MYRIP: variants seen among roughly 807,000 people sequenced by gnomAD.
MYRIP encodes the protein rab effector MyRIP.
A neutral mutation model predicts 98.0 loss-of-function variants in MYRIP; 49 were observed. The ratio of observed to expected loss-of-function variants is 0.50; its 90% confidence interval spans 0.40 to 0.63. The LOEUF is 0.63. MYRIP is among the 30% of genes least tolerant of loss of function. The pLI is 0.00. For synonymous variants in MYRIP, 404 were observed against 409.5 expected, an observed-to-expected ratio of 0.99 and a Z score of 0.16; for missense variants, 1,004 against 1,058.2, an observed-to-expected ratio of 0.95 and a Z score of 0.71.
At chr3:39,812,265 T>C (rs973173472) in intron 1 of MYRIP, among the ~76,000 whole-genome samples, 1 of 152,362 alleles carries the variant, frequency 6.6e-6, no homozygotes, top group East Asian at 1.9e-4. Context: ...TTATTTTTAT[T>C]ACTATTGTTA....
At chr3:40,086,125 A>G (rs1948621576) in intron 3 of MYRIP, among the ~76,000 whole-genome samples, 1 of 152,204 alleles carries the variant, frequency 6.6e-6, no homozygotes, top group African/African-American at 2.4e-5. Flanking sequence ...AAACAAAGGA[A>G]TGAGAACTAG....
chr3:39,924,267 T>C (rs138930483), intron 2 of MYRIP, among the ~76,000 whole-genome samples: 1 of 151,868 alleles, frequency 6.6e-6, no homozygotes, highest in Non-Finnish European at 1.5e-5. Flanking sequence ...TATAGATAGG[T>C]TGAAAGTAAA....
chr3:40,003,724 C>T (rs775739512), intron 2 of MYRIP, among the ~76,000 whole-genome samples: 3 of 152,188 alleles, frequency 2.0e-5, no homozygotes, highest in Non-Finnish European at 4.4e-5. Flanking sequence ...GCTTCACCAA[C>T]CAGTTCAGAT....
At chr3:40,097,738 C>G (rs1948859922) in intron 3 of MYRIP, among the ~76,000 whole-genome samples, 1 of 152,184 alleles carries the variant, frequency 6.6e-6, no homozygotes. Context: ...TCAGAGCCTC[C>G]TGTGTCTCTG....
intron 3 of MYRIP, among the ~76,000 whole-genome samples, chr3:40,090,483 G>A (rs1025953077): frequency 7.9e-5 from 12 of 152,090 alleles, no homozygotes; most frequent in African/African-American, 2.2e-4. Flanking sequence ...AAAAACCCTC[G>A]TTCCTTGTTG....
At chr3:40,083,051 C>T (rs1948514813) in intron 3 of MYRIP, among the ~76,000 whole-genome samples, 1 of 152,228 alleles carries the variant, frequency 6.6e-6, no homozygotes, top group South Asian at 2.1e-4. Flanking sequence ...CTCTTGCTAG[C>T]TCATGAGGGA....
At chr3:39,887,741 C>G (rs1458675763) in intron 1 of MYRIP, among the ~76,000 whole-genome samples, 1 of 152,068 alleles carries the variant, frequency 6.6e-6, no homozygotes, top group Non-Finnish European at 1.5e-5. Context: ...TCAAATTGTC[C>G]CTGTTTGCAG....
intron 4 of MYRIP, among the ~76,000 whole-genome samples, chr3:40,153,533 T>C (rs1220444116): frequency 3.3e-5 from 5 of 152,196 alleles, no homozygotes; most frequent in African/African-American, 1.2e-4. Flanking sequence ...CAAATCATTG[T>C]CCACCCCCCA....
At chr3:40,038,395 AAAGAT>A (rs1457851843) in intron 2 of MYRIP, among the ~76,000 whole-genome samples, 3 of 152,108 alleles carry the variant, frequency 2.0e-5, no homozygotes, top group Non-Finnish European at 4.4e-5. Flanking sequence ...AAGAAATAAT[AAAGAT>A]AAGACTGGAC....
chr3:39,907,731 C>A (rs1559518010), intron 2 of MYRIP, among the ~76,000 whole-genome samples: 1 of 152,020 alleles, frequency 6.6e-6, no homozygotes. Flanking sequence ...TTTATTATGC[C>A]CCAACCTTTG....
chr3:39,895,810 A>G (rs1304496426), intron 1 of MYRIP, among the ~76,000 whole-genome samples: 4 of 152,228 alleles, frequency 2.6e-5, no homozygotes, highest in African/African-American at 9.6e-5. Context: ...ATGATTTGCA[A>G]TACTAGGTTT....
chr3:40,162,339 A>G (rs1428762022), intron 4 of MYRIP, among the ~76,000 whole-genome samples: 1 of 152,210 alleles, frequency 6.6e-6, no homozygotes, highest in African/African-American at 2.4e-5. Flanking sequence ...ACTGGTGCTC[A>G]TAGACTATTT....
intron 2 of MYRIP, among the ~76,000 whole-genome samples, chr3:39,936,638 A>G (rs1944661521): frequency 6.6e-6 from 1 of 152,186 alleles, no homozygotes; most frequent in Non-Finnish European, 1.5e-5. Flanking sequence ...CACAGAAAGA[A>G]TCAGAAGGCA....
At chr3:39,840,482 A>G (rs1003495340) in intron 1 of MYRIP, among the ~76,000 whole-genome samples, 1 of 152,062 alleles carries the variant, frequency 6.6e-6, no homozygotes, top group Non-Finnish European at 1.5e-5. Context: ...TAAGGTTAGT[A>G]TTGTTATGTG....
chr3:39,877,865 C>G (rs1329361565), intron 1 of MYRIP, among the ~76,000 whole-genome samples: 4 of 152,212 alleles, frequency 2.6e-5, no homozygotes, highest in Admixed American at 6.5e-5. Context: ...AACCACTGCT[C>G]TCTTCAAAGC....
At chr3:39,963,682 T>C (rs1008652228) in intron 2 of MYRIP, among the ~76,000 whole-genome samples, 1 of 152,158 alleles carries the variant, frequency 6.6e-6, no homozygotes, top group Non-Finnish European at 1.5e-5. Flanking sequence ...AAGTTGATAT[T>C]CTACATGTCC....
intron 3 of MYRIP, among the ~76,000 whole-genome samples, chr3:40,118,653 G>A (rs1192063681): frequency 6.6e-6 from 1 of 150,502 alleles, no homozygotes; most frequent in Non-Finnish European, 1.5e-5. Context: ...TGCACAACAT[G>A]CAGGTTTGTT....
chr3:40,107,988 G>T (rs763642581), intron 3 of MYRIP, among the ~76,000 whole-genome samples: 1 of 152,194 alleles, frequency 6.6e-6, no homozygotes, highest in Non-Finnish European at 1.5e-5. Flanking sequence ...TTTGAGAATG[G>T]CCATTCTGAC....
At chr3:40,066,996 T>G (rs556105680) in intron 3 of MYRIP, among the ~76,000 whole-genome samples, 104 of 152,352 alleles carry the variant, frequency 6.8e-4, no homozygotes, top group Non-Finnish European at 1.0e-3. Context: ...TTTGCTTTTC[T>G]ATAGTTTCCA....
Sources: gnomAD v4.1 joint callset for allele counts (sites outside exome capture counted in the v4.1 genomes callset) on GRCh38, gnomAD v4.1.1 for gene constraint, MANE v1.5 for transcripts, NCBI Gene and HGNC (gene_info 2026-07-23, HGNC 2026-07-21) for gene names.